Variants in COG6 observed in about 807,000 individuals in gnomAD.
COG6 encodes the protein component of oligomeric golgi complex 6, also known as conserved oligomeric Golgi complex subunit 6.
Under a neutral mutation model 88.8 loss-of-function variants are expected in COG6, and 74 were observed. The observed-to-expected ratio is 0.83, with a 90% CI of 0.69 to 1.01. The LOEUF (loss-of-function observed/expected upper bound fraction) is 1.01. Among genes scored for constraint, COG6 ranks in the 50% least tolerant of loss-of-function variants. The probability of loss-of-function intolerance (pLI) is 0.00; values close to 1 mark genes in which losing one functional copy is unlikely to be tolerated. For missense variants in COG6, 800 were observed against 797.9 expected (o/e 1.00, Z -0.03); for synonymous variants, 286 against 278.7 (o/e 1.03, Z -0.26).
At chr13:39,709,054 C>T (rs1878096628) in intron 13 of COG6, among the ~76,000 whole-genome samples, 1 of 152,042 alleles carries the variant, frequency 6.6e-6, no homozygotes, top group African/African-American at 2.4e-5. Flanking sequence ...TCTGATAGAG[C>T]TGTACTCAAA....
intron 13 of COG6, among the ~76,000 whole-genome samples, chr13:39,711,781 CAT>C (rs1291828270): frequency 4.6e-5 from 7 of 152,116 alleles, no homozygotes; most frequent in African/African-American, 1.7e-4. Flanking sequence ...CTATAGGTAA[CAT>C]TCAGCATTTT....
intron 18 of COG6, among the ~76,000 whole-genome samples, chr13:39,741,079 G>A (rs899086354): frequency 1.3e-5 from 2 of 152,152 alleles, no homozygotes; most frequent in South Asian, 2.1e-4. Context: ...TTGGAAGTAA[G>A]CAGTTCATTT....
chr13:39,678,919 GTTA>G (rs72397423), intron 5 of COG6, among the ~76,000 whole-genome samples: 99,578 of 150,914 alleles, frequency 0.66, 33,060 homozygotes, highest in Admixed American at 0.77. Flanking sequence ...GAAAATGAGG[GTTA>G]TTATTATTAT....
chr13:39,684,243 A>ACT (rs1876491559), intron 8 of COG6, among the ~76,000 whole-genome samples: 1 of 67,382 alleles, frequency 1.5e-5, no homozygotes, highest in African/African-American at 6.7e-5. Flanking sequence ...AATTTGGAAG[A>ACT]TTTTTTTTTT....
chr13:39,671,140 C>T (rs1593412850), intron 4 of COG6, among the ~76,000 whole-genome samples: 1 of 151,866 alleles, frequency 6.6e-6, no homozygotes, highest in East Asian at 1.9e-4. Flanking sequence ...ATTTCAGTCA[C>T]ACATATTGGA....
At chr13:39,714,070 T>C (rs1162301730) in intron 13 of COG6, among the ~76,000 whole-genome samples, 1 of 152,198 alleles carries the variant, frequency 6.6e-6, no homozygotes, top group Non-Finnish European at 1.5e-5. Context: ...TGTGGCAAAG[T>C]GTGACTTTAG....
At chr13:39,660,367 A>G (rs1874820853) in intron 2 of COG6, among the ~76,000 whole-genome samples, 2 of 152,096 alleles carry the variant, frequency 1.3e-5, no homozygotes, top group Admixed American at 1.3e-4. Flanking sequence ...GGCTCTTTTA[A>G]ACATCATTTC....
intron 18 of COG6, among the ~76,000 whole-genome samples, chr13:39,742,197 A>G (rs1880080895): frequency 2.0e-5 from 3 of 152,214 alleles, no homozygotes; most frequent in Non-Finnish European, 2.9e-5. Context: ...AGCATCAACT[A>G]ACGGGCAAAA....
chr13:39,677,334 C>T (rs1876032081), intron 4 of COG6, 134 bp from the exon 5 acceptor site: 1 of 661,924 alleles, frequency 1.5e-6, no homozygotes, highest in Non-Finnish European at 2.7e-6. Flanking sequence ...GAGGCAGAAA[C>T]AAGACTTTTG....
chr13:39,757,787 G>T (rs892789352), intron 18 of COG6, among the ~76,000 whole-genome samples: 3 of 152,100 alleles, frequency 2.0e-5, no homozygotes, highest in African/African-American at 7.2e-5. Context: ...CTCCCAACAA[G>T]AACAAAGCCC....
At chr13:39,678,130 G>A (rs1264540587) in intron 5 of COG6, 9 of 429,696 alleles carry the variant, frequency 2.1e-5, no homozygotes, top group South Asian at 8.5e-5. Flanking sequence ...GCAGTAGCAC[G>A]AACACAGCTC....
chr13:39,678,692 C>T (rs1417665080), intron 5 of COG6, among the ~76,000 whole-genome samples: 1 of 151,818 alleles, frequency 6.6e-6, no homozygotes, highest in East Asian at 1.9e-4. Flanking sequence ...AAGAAGGGTT[C>T]TTGAGGTGGG....
At chr13:39,704,440 A>G (rs1051911684) in intron 13 of COG6, among the ~76,000 whole-genome samples, 1 of 152,202 alleles carries the variant, frequency 6.6e-6, no homozygotes, top group African/African-American at 2.4e-5. Context: ...GGAAAATGTT[A>G]TTAAGAAAAT....
intron 8 of COG6, among the ~76,000 whole-genome samples, chr13:39,685,918 A>T (rs910890942): frequency 4.6e-5 from 7 of 152,190 alleles, no homozygotes; most frequent in African/African-American, 1.7e-4. Context: ...TTTTAATGGA[A>T]GACAAACCCA....
intron 3 of COG6, among the ~76,000 whole-genome samples, chr13:39,663,688 C>A (rs1300379278): frequency 6.6e-6 from 1 of 151,936 alleles, no homozygotes; most frequent in Non-Finnish European, 1.5e-5. Flanking sequence ...CCTTTGTGAC[C>A]AGCCTGGGCA....
At chr13:39,656,037 C>T (rs1283569859) in intron 1 of COG6, 158 bp downstream of exon 1, 1 of 976,962 alleles carries the variant, frequency 1.0e-6, no homozygotes, top group African/African-American at 1.6e-5. Flanking sequence ...CTGCGGGCGC[C>T]GGGGGCGGTG....
intron 18 of COG6, among the ~76,000 whole-genome samples, chr13:39,773,287 A>G (rs1014233445): frequency 2.6e-5 from 4 of 152,254 alleles, no homozygotes; most frequent in African/African-American, 9.6e-5. Flanking sequence ...GGAAGCCACA[A>G]TAGGCACTTT....
At chr13:39,775,560 T>TG (rs1340752889) in intron 18 of COG6, among the ~76,000 whole-genome samples, 2 of 152,154 alleles carry the variant, frequency 1.3e-5, no homozygotes, top group Admixed American at 6.5e-5. Flanking sequence ...TCACTAAAAC[T>TG]GAGGGGGGTT....
intron 12 of COG6, among the ~76,000 whole-genome samples, chr13:39,695,377 G>C (rs1440813688): frequency 6.6e-6 from 1 of 151,628 alleles, no homozygotes; most frequent in Non-Finnish European, 1.5e-5. Context: ...GTATACCCGT[G>C]AGTTTTATTA....
Sources: allele counts gnomAD v4.1 joint callset (sites outside exome capture counted in the v4.1 genomes callset), GRCh38; gene constraint gnomAD v4.1.1; transcripts MANE v1.5; gene names NCBI Gene and HGNC (gene_info 2026-07-23, HGNC 2026-07-21).